The following PHACTR3 variants were observed in gnomAD, a reference collection of about 807,000 sequenced individuals.
PHACTR3 encodes the protein phosphatase and actin regulator 3.
PHACTR3 carries 16 observed loss-of-function variants against 66.8 expected under a neutral mutation model. The ratio of observed to expected loss-of-function variants is 0.24; its 90% CI spans 0.16 to 0.36. The LOEUF (loss-of-function observed/expected upper bound fraction) is 0.36. Among genes scored for constraint, PHACTR3 ranks in the 10% least tolerant of loss-of-function variants. The pLI, the probability that PHACTR3 is intolerant of heterozygous loss-of-function variation, is 1.00. For missense variants in PHACTR3, 647 were observed against 719.9 expected (o/e 0.90, Z 1.16); for synonymous variants, 323 against 292.1 (o/e 1.11, Z -1.08).
Position 59,686,545 on chromosome 20 carries a change from GTGATGATGATGGTGA to G in PHACTR3, c.119-56553_119-56539del, listed in dbSNP as rs1175709731. 9.4e-5 allele frequency among the ~76,000 whole-genome samples: 14 copies of G among 149,274 alleles called. No homozygotes were observed. The South Asian group carries it at 1.8e-3, about 19-fold the overall frequency. ...GATGTTGATGGTGATGATGATGGTC[GTGATGATGATGGTGA>G]TGATGATGGTCGTGATGATTGTGAT... On this transcript the variant is annotated intron_variant, in intron 1 of 12. Coordinates refer to ENST00000371015, the MANE Select transcript of PHACTR3 (RefSeq NM_080672.5).
At chr20:59,767,742 C>A (rs1263612297) in intron 5 of PHACTR3, among the ~76,000 whole-genome samples, 1 of 152,168 alleles carries the variant, frequency 6.6e-6, no homozygotes, top group Non-Finnish European at 1.5e-5. Flanking sequence ...GCAGCCAGTT[C>A]CCAGGATGGG....
rs1288460469 is a variant in PHACTR3 at position 59,635,127 on chromosome 20, C to CTT, written c.118+29997_118+29998dup. Among the ~76,000 whole-genome samples, 43 of 74,774 alleles carry CTT rather than the reference C, an allele frequency of 5.8e-4. 1 individual carries two copies. The South Asian group carries it at 6.1e-3, about 11-fold the overall frequency. The allele number at this position is 74,774 out of a possible 152,430, so 49.1% of individuals were successfully genotyped here. On this transcript the variant is annotated intron_variant, in intron 1 of 12. Transcript: ENST00000371015. ...TCTTTCTTTCTTTCTTTCTTTCTTT[C>CTT]TTTCTTTCTTTCTTTCTTTCTTTTT...
At chr20:59,603,846 C>T (rs2033557839), upstream of PHACTR3, 1 of 153,356 alleles carries the variant, frequency 6.5e-6, no homozygotes, top group Non-Finnish European at 1.4e-5. Flanking sequence ...TTCTTCCTTC[C>T]CTGCCCTGGC....
At chr20:59,769,347 G>A (rs932040183) in intron 5 of PHACTR3, among the ~76,000 whole-genome samples, 1 of 152,220 alleles carries the variant, frequency 6.6e-6, no homozygotes, top group African/African-American at 2.4e-5. Context: ...GCTCATGCTG[G>A]ATTCGGTTAG....
chr20:59,749,142 C>T (rs554708496), intron 3 of PHACTR3, among the ~76,000 whole-genome samples: 1 of 152,104 alleles, frequency 6.6e-6, no homozygotes, highest in Non-Finnish European at 1.5e-5. Context: ...TGGCGGAATG[C>T]GGTTGCTGAG....
chr20:59,617,229 A>G (rs2034058743), intron 1 of PHACTR3, among the ~76,000 whole-genome samples: 1 of 152,052 alleles, frequency 6.6e-6, no homozygotes, highest in Non-Finnish European at 1.5e-5. Context: ...CCCTCCTCAT[A>G]CCTATTCCCA....
chr20:59,726,291 C>T (rs1383666810), intron 1 of PHACTR3, among the ~76,000 whole-genome samples: 3 of 152,172 alleles, frequency 2.0e-5, no homozygotes, highest in Non-Finnish European at 4.4e-5. Flanking sequence ...CCCCCCAATC[C>T]TACTTCTGCT....
At chr20:59,640,021 T>C (rs1453582850) in intron 1 of PHACTR3, among the ~76,000 whole-genome samples, 4 of 152,212 alleles carry the variant, frequency 2.6e-5, no homozygotes, top group African/African-American at 9.7e-5. Flanking sequence ...ACAGGCACAC[T>C]TCATCCTGTG....
intron 2 of PHACTR3, among the ~76,000 whole-genome samples, chr20:59,745,264 A>G (rs898597296): frequency 1.3e-5 from 2 of 152,164 alleles, no homozygotes; most frequent in African/African-American, 4.8e-5. Flanking sequence ...ACTAGAGCAG[A>G]GTGACCTCCG....
intron 8 of PHACTR3, among the ~76,000 whole-genome samples, chr20:59,832,921 C>A (rs978366993): frequency 6.6e-6 from 1 of 152,224 alleles, no homozygotes; most frequent in Non-Finnish European, 1.5e-5. Context: ...GTTGGCAGAA[C>A]CACCCTAAGA....
At chr20:59,731,171 T>C (rs2038747079) in intron 1 of PHACTR3, among the ~76,000 whole-genome samples, 1 of 152,170 alleles carries the variant, frequency 6.6e-6, no homozygotes, top group South Asian at 2.1e-4. Context: ...GTGATATTAT[T>C]TCTCTAAATT....
chr20:59,845,990 C>A (rs1260711493), intron 12 of PHACTR3, among the ~76,000 whole-genome samples: 3 of 152,052 alleles, frequency 2.0e-5, no homozygotes, highest in African/African-American at 7.2e-5. Context: ...AGTATTTCCC[C>A]CCACTTCTTT....
intron 1 of PHACTR3, among the ~76,000 whole-genome samples, chr20:59,595,639 G>A (rs1005701235): frequency 7.2e-5 from 11 of 152,126 alleles, no homozygotes; most frequent in Non-Finnish European, 5.9e-5. Context: ...TGTCGTTACT[G>A]ATTTTCTGCT....
chr20:59,751,640 C>T (rs1156772021), intron 3 of PHACTR3, among the ~76,000 whole-genome samples: 1 of 152,106 alleles, frequency 6.6e-6, no homozygotes, highest in Non-Finnish European at 1.5e-5. Context: ...TGGGGTGTTA[C>T]TTTATGATCG....
intron 7 of PHACTR3, among the ~76,000 whole-genome samples, chr20:59,786,199 G>A (rs1008438652): frequency 8.5e-5 from 13 of 152,238 alleles, no homozygotes; most frequent in Non-Finnish European, 1.6e-4. Flanking sequence ...CCCAGGGAGT[G>A]CAGGCTAGCC....
At chr20:59,733,014 G>A (rs2038823049) in intron 1 of PHACTR3, among the ~76,000 whole-genome samples, 1 of 151,628 alleles carries the variant, frequency 6.6e-6, no homozygotes, top group South Asian at 2.1e-4. Context: ...TAAGCTTTTA[G>A]GAATAGAGCC....
chr20:59,767,479 CATCT>C (rs1201513605), intron 5 of PHACTR3, 84 bp downstream of exon 5: 8 of 1,401,264 alleles, frequency 5.7e-6, no homozygotes, highest in Middle Eastern at 2.5e-4. Flanking sequence ...ACCCATCCAT[CATCT>C]ATCTATTTAT....
At chr20:59,801,211 G>T (rs575864123) in intron 7 of PHACTR3, among the ~76,000 whole-genome samples, 1 of 152,214 alleles carries the variant, frequency 6.6e-6, no homozygotes, top group Non-Finnish European at 1.5e-5. Context: ...AGTTTTCCAG[G>T]CTCTTCCTGG....
intron 1 of PHACTR3, among the ~76,000 whole-genome samples, chr20:59,659,955 C>T (rs1164949412): frequency 6.6e-6 from 1 of 152,174 alleles, no homozygotes; most frequent in African/African-American, 2.4e-5. Context: ...GGCATCTGTC[C>T]TGCCCTCAGT....
Sources: allele counts gnomAD v4.1 joint callset (sites outside exome capture counted in the v4.1 genomes callset), GRCh38; gene constraint gnomAD v4.1.1; transcripts MANE v1.5; gene names NCBI Gene and HGNC (gene_info 2026-07-23, HGNC 2026-07-21).